Variants in RBFOX1 observed in about 807,000 individuals in gnomAD.
The protein encoded by RBFOX1 is RNA binding protein fox-1 homolog 1.
Under a neutral mutation model 57.7 loss-of-function variants are expected in RBFOX1, and 8 were observed. That is an observed-to-expected ratio of 0.14 (90% confidence interval 0.08 to 0.25). The LOEUF is 0.25. Among genes scored for constraint, RBFOX1 ranks in the 10% least tolerant of loss-of-function variants. RBFOX1 has a pLI of 1.00. For missense variants in RBFOX1, 611 were observed against 548.5 expected, an observed-to-expected ratio of 1.11 and a Z score of -1.14; for synonymous variants, 326 against 222.4, an observed-to-expected ratio of 1.47 and a Z score of -4.15.
At chr16:7,532,176 T>C (rs929513742) in intron 5 of RBFOX1, among the ~76,000 whole-genome samples, 3 of 150,788 alleles carry the variant, frequency 2.0e-5, no homozygotes, top group African/African-American at 7.3e-5. Flanking sequence ...AGGTGTAGCA[T>C]TCCAATGACA....
intron 2 of RBFOX1, among the ~76,000 whole-genome samples, chr16:6,533,709 A>G (rs182469400): frequency 1.3e-5 from 2 of 152,266 alleles, no homozygotes; most frequent in African/African-American, 4.8e-5. Flanking sequence ...CATGTTTTCC[A>G]TCGTAGACAC....
chr16:5,733,124 C>G (rs1270675788), intron 3 of RBFOX1, among the ~76,000 whole-genome samples: 1 of 152,184 alleles, frequency 6.6e-6, no homozygotes, highest in Non-Finnish European at 1.5e-5. Context: ...AAGTCCCCTT[C>G]TGAAATGAAA....
chr16:7,634,382 A>G (rs1046295894), intron 11 of RBFOX1, among the ~76,000 whole-genome samples: 1 of 123,918 alleles, frequency 8.1e-6, no homozygotes, highest in South Asian at 2.4e-4. Flanking sequence ...CTGGCCTTTG[A>G]TGTTTGTTTT....
intron 3 of RBFOX1, among the ~76,000 whole-genome samples, chr16:6,735,391 T>C (rs1178785390): frequency 6.6e-6 from 1 of 152,178 alleles, no homozygotes; most frequent in African/African-American, 2.4e-5. Flanking sequence ...GCTTTACTTT[T>C]AAGGATTGGA....
At chr16:7,249,353 A>C (rs932496890) in intron 4 of RBFOX1, among the ~76,000 whole-genome samples, 1 of 152,098 alleles carries the variant, frequency 6.6e-6, no homozygotes, top group African/African-American at 2.4e-5. Flanking sequence ...CTGGAGGACA[A>C]TAAGAACAAA....
At chr16:7,362,758 GTA>G (rs1217994007) in intron 4 of RBFOX1, among the ~76,000 whole-genome samples, 1 of 152,098 alleles carries the variant, frequency 6.6e-6, no homozygotes, top group Non-Finnish European at 1.5e-5. Context: ...GTATGTTAGT[GTA>G]TGTTTCTGTG....
chr16:6,796,938 C>CATTG (rs1161457246), intron 3 of RBFOX1, among the ~76,000 whole-genome samples: 3 of 152,148 alleles, frequency 2.0e-5, no homozygotes, highest in Non-Finnish European at 1.5e-5. Flanking sequence ...AATTGGAAAT[C>CATTG]ATTGAGTACT....
Position 6,391,875 on chromosome 16 carries a change from T to A in RBFOX1, c.-64+74818T>A, listed in dbSNP as rs139216771. On this transcript the variant is annotated intron_variant, in intron 2 of 15. Transcript: ENST00000550418. ...AACATATATATTGCACTCATTACAGTGTGCTCTAATAAATGCATGAACAAA... is the reference window on the plus strand; with the variant it reads ...AACATATATATTGCACTCATTACAGAGTGCTCTAATAAATGCATGAACAAA... 1.9e-3 allele frequency among the ~76,000 whole-genome samples: 284 copies of A among 152,302 alleles called. 2 individuals carry two copies. Among genetic ancestry groups the A allele is most frequent in the African/African-American group, 6.7e-3 (278 of 41,572 alleles).
intron 3 of RBFOX1, among the ~76,000 whole-genome samples, chr16:6,813,228 T>G (rs2089201942): frequency 6.6e-6 from 1 of 152,178 alleles, no homozygotes; most frequent in African/African-American, 2.4e-5. Context: ...TACTGAAATT[T>G]ACACTTCTCC....
intron 3 of RBFOX1, among the ~76,000 whole-genome samples, chr16:5,779,190 C>G (rs4597332): frequency 0.27 from 41,412 of 151,708 alleles, 6,032 homozygotes; most frequent in East Asian, 0.55. Flanking sequence ...GTCAGCTTTC[C>G]TTCCCCCCTC....
intron 1 of RBFOX1, among the ~76,000 whole-genome samples, chr16:6,205,017 AC>A (rs1231492469): frequency 6.6e-6 from 1 of 152,172 alleles, no homozygotes; most frequent in Non-Finnish European, 1.5e-5. Context: ...ATTACCATAA[AC>A]CGATTGACTG....
chr16:5,598,790 T>G (rs1466026569), intron 2 of RBFOX1: 1 of 799,252 alleles, frequency 1.3e-6, no homozygotes, highest in East Asian at 2.7e-5. Context: ...GTACTGTGGC[T>G]AAACGTGGTG....
chr16:7,091,341 C>A (rs1257692617), intron 4 of RBFOX1, among the ~76,000 whole-genome samples: 2 of 151,646 alleles, frequency 1.3e-5, no homozygotes, highest in African/African-American at 4.8e-5. Flanking sequence ...TATCGTTTCA[C>A]ACTTCATCCT....
chr16:7,252,929 T>TAATC (rs1416561918), intron 4 of RBFOX1, among the ~76,000 whole-genome samples: 1 of 152,180 alleles, frequency 6.6e-6, no homozygotes, highest in East Asian at 1.9e-4. Context: ...TGCATGTGTG[T>TAATC]AATCACACAC....
intron 3 of RBFOX1, among the ~76,000 whole-genome samples, chr16:6,790,948 C>A (rs1283318625): frequency 6.6e-6 from 1 of 151,856 alleles, no homozygotes; most frequent in African/African-American, 2.4e-5. Flanking sequence ...CTGTGTCACC[C>A]AGGTTGGAGT....
At chr16:6,757,249 A>T (rs926566810) in intron 3 of RBFOX1, among the ~76,000 whole-genome samples, 2 of 152,148 alleles carry the variant, frequency 1.3e-5, no homozygotes, top group East Asian at 3.9e-4. Flanking sequence ...GTTTCTCAAA[A>T]AGACTAAAAA....
intron 2 of RBFOX1, among the ~76,000 whole-genome samples, chr16:6,488,505 A>G (rs1342296269): frequency 6.6e-6 from 1 of 152,172 alleles, no homozygotes; most frequent in Non-Finnish European, 1.5e-5. Flanking sequence ...CAACTCTGCA[A>G]GGTAGGTATT....
At position 7,001,006 on chromosome 16, in the gene RBFOX1, C is replaced by A. The variant is rs186384659; in HGVS notation, c.-15-51051C>A. 5.3e-5 allele frequency among the ~76,000 whole-genome samples: 8 copies of A among 152,172 alleles called. No homozygotes were observed. The East Asian group carries it at 1.5e-3, about 29-fold the overall frequency. On this transcript the variant is annotated intron_variant, in intron 3 of 15. Coordinates refer to ENST00000550418, the MANE Select transcript of RBFOX1 (RefSeq NM_018723.4). ...TTTATCAGTCACTAGCAACCATTAC[C>A]ATCACTCCTTTTTCATTTATTAGAT...
chr16:7,053,706 A>G (rs2050896269), intron 4 of RBFOX1, among the ~76,000 whole-genome samples: 1 of 152,278 alleles, frequency 6.6e-6, no homozygotes, highest in Non-Finnish European at 1.5e-5. Flanking sequence ...AGGTTCAAGA[A>G]TGGAGTCTTC....
Sources: gnomAD v4.1 joint callset for allele counts (sites outside exome capture counted in the v4.1 genomes callset) on GRCh38, gnomAD v4.1.1 for gene constraint, MANE v1.5 for transcripts, NCBI Gene and HGNC (gene_info 2026-07-23, HGNC 2026-07-21) for gene names.